The following SPECC1 variants were observed in gnomAD, a reference collection of about 807,000 sequenced individuals.
SPECC1 encodes the protein cytospin-B.
In SPECC1, 62 loss-of-function variants were observed where a neutral mutation model predicts 104.1. The observed-to-expected ratio is 0.60, with a 90% confidence interval of 0.49 to 0.74. The LOEUF is 0.74. Ranked by LOEUF, SPECC1 falls within the 30% of genes least tolerant of loss-of-function variation. The pLI, the probability that SPECC1 is intolerant of heterozygous loss-of-function variation, is 0.00. For synonymous variants in SPECC1, 513 were observed against 501.6 expected, an observed-to-expected ratio of 1.02 and a Z score of -0.30; for missense variants, 1,306 against 1,310.5, an observed-to-expected ratio of 1.00 and a Z score of 0.05.
At chr17:20,254,173 GTGTA>G (rs2039738230) in intron 10 of SPECC1, among the ~76,000 whole-genome samples, 6 of 150,148 alleles carry the variant, frequency 4.0e-5, no homozygotes, top group Admixed American at 3.3e-4. Context: ...GTGTGTGTGT[GTGTA>G]TTTGTTTTTT....
chr17:20,115,761 ACTT>A (rs1361303313), intron 3 of SPECC1, among the ~76,000 whole-genome samples: 1 of 152,172 alleles, frequency 6.6e-6, no homozygotes, highest in Admixed American at 6.5e-5. Context: ...ATGTGCAGAG[ACTT>A]CTTTAATGAT....
At chr17:20,208,703 A>G (rs1308716750) in intron 4 of SPECC1, among the ~76,000 whole-genome samples, 1 of 152,236 alleles carries the variant, frequency 6.6e-6, no homozygotes, top group African/African-American at 2.4e-5. Flanking sequence ...TCTAATTCCA[A>G]GGGAAGCATT....
intron 1 of SPECC1, among the ~76,000 whole-genome samples, chr17:20,063,766 C>T (rs2046269988): frequency 6.6e-6 from 1 of 152,204 alleles, no homozygotes; most frequent in Non-Finnish European, 1.5e-5. Context: ...AGACTATCAG[C>T]TTTGTTAATA....
chr17:20,175,425 C>G (rs1171260373), intron 3 of SPECC1, among the ~76,000 whole-genome samples: 2 of 152,336 alleles, frequency 1.3e-5, no homozygotes, highest in East Asian at 1.9e-4. Flanking sequence ...TGTGCCCTCT[C>G]CTGGCTCTCT....
chr17:20,249,919 A>G (rs577726732), intron 9 of SPECC1, among the ~76,000 whole-genome samples: 1 of 152,326 alleles, frequency 6.6e-6, no homozygotes, highest in South Asian at 2.1e-4. Flanking sequence ...TCCAAAACTG[A>G]TAAAAGATGT....
At chr17:20,138,370 T>G (rs1298133471) in intron 3 of SPECC1, among the ~76,000 whole-genome samples, 1 of 152,148 alleles carries the variant, frequency 6.6e-6, no homozygotes, top group Admixed American at 6.5e-5. Context: ...ACATGACAGA[T>G]CATTGTCACC....
chr17:20,296,947 T>A lies in SPECC1; in HGVS notation c.2941-14T>A. On this transcript the variant is annotated splice_polypyrimidine_tract_variant and intron_variant, in intron 12 of 14. Coordinates refer to ENST00000395527, the MANE Select transcript of SPECC1 (RefSeq NM_001243439.2). ...GCAATAGTTCTTGTTTATTACTACTTTTCTCTCCTGCAGAACATTGACATC... is the reference window on the plus strand; with the variant it reads ...GCAATAGTTCTTGTTTATTACTACTATTCTCTCCTGCAGAACATTGACATC... The A allele has an allele frequency of 6.2e-7, 1 of 1,613,290 alleles. No individual in the cohort carries two copies. Among genetic ancestry groups the A allele is most frequent in the South Asian group, 1.1e-5 (1 of 91,038 alleles).
At chr17:20,060,382 C>T (rs2046140047) in intron 1 of SPECC1, among the ~76,000 whole-genome samples, 1 of 152,124 alleles carries the variant, frequency 6.6e-6, no homozygotes, top group Admixed American at 6.5e-5. Flanking sequence ...CTCAGTGGCT[C>T]ATGTCTGTAA....
intron 4 of SPECC1, among the ~76,000 whole-genome samples, chr17:20,214,513 C>G (rs1013184572): frequency 6.6e-6 from 1 of 151,946 alleles, no homozygotes; most frequent in Non-Finnish European, 1.5e-5. Flanking sequence ...ATTTTATTTA[C>G]TTATTTATTT....
At chr17:20,213,966 C>T (rs530432587) in intron 4 of SPECC1, among the ~76,000 whole-genome samples, 2 of 152,238 alleles carry the variant, frequency 1.3e-5, no homozygotes, top group South Asian at 4.1e-4. Flanking sequence ...CACAATTGTG[C>T]AACCATCACT....
At chr17:20,247,341 C>T in intron 9 of SPECC1, 22 bp downstream of exon 9, 3 of 1,563,640 alleles carry the variant, frequency 1.9e-6, no homozygotes, top group Non-Finnish European at 2.6e-6. Flanking sequence ...CCAGAAATAA[C>T]CACTGCTTAT....
At chr17:20,160,260 T>A (rs2033012983) in intron 3 of SPECC1, among the ~76,000 whole-genome samples, 1 of 152,100 alleles carries the variant, frequency 6.6e-6, no homozygotes, top group East Asian at 1.9e-4. Context: ...CAGCAGGTGG[T>A]TGTTAGAGAC....
intron 1 of SPECC1, among the ~76,000 whole-genome samples, chr17:20,024,711 T>C (rs1732396866): frequency 6.6e-6 from 1 of 152,100 alleles, no homozygotes; most frequent in African/African-American, 2.4e-5. Flanking sequence ...CTTTGCACAG[T>C]GTCTCTAGGG....
intron 12 of SPECC1, among the ~76,000 whole-genome samples, chr17:20,263,563 GA>G (rs1006624513): frequency 8.1e-5 from 12 of 148,730 alleles, no homozygotes; most frequent in Non-Finnish European, 1.0e-4. Flanking sequence ...GAAGGAGAAA[GA>G]AAAAAAAAGA....
intron 3 of SPECC1, among the ~76,000 whole-genome samples, chr17:20,191,293 GA>G (rs2035651993): frequency 6.6e-6 from 1 of 152,108 alleles, no homozygotes; most frequent in Admixed American, 6.5e-5. Context: ...ACTTTTCTAG[GA>G]AACCACCAAA....
chr17:20,248,926 C>T (rs1313652188), intron 9 of SPECC1, among the ~76,000 whole-genome samples: 1 of 151,920 alleles, frequency 6.6e-6, no homozygotes, highest in Non-Finnish European at 1.5e-5. Context: ...AAATATTCTC[C>T]CTAAATATCT....
In SPECC1 at chr17:20,157,862, C is replaced by G. The variant is rs368495816; in HGVS notation, c.284-46471C>G. Among the ~76,000 whole-genome samples, 29 of 152,338 alleles carry G rather than the reference C, an allele frequency of 1.9e-4. No homozygotes were observed. The East Asian group carries it at 3.3e-3, about 17-fold the overall frequency. On this transcript the variant is annotated intron_variant, in intron 3 of 14. Transcript: ENST00000395527. ...GGCATTTTTAAGAGATGGTGTCTCA[C>G]TATGTTGCCCAGACTGGCCTTGAAG...
At chr17:20,062,340 C>G (rs1252431974) in intron 1 of SPECC1, among the ~76,000 whole-genome samples, 2 of 151,716 alleles carry the variant, frequency 1.3e-5, no homozygotes, top group Non-Finnish European at 2.9e-5. Context: ...AAACGCTTAA[C>G]ATTTCCATCC....
intron 2 of SPECC1, among the ~76,000 whole-genome samples, chr17:20,105,823 T>C (rs2048173650): frequency 6.6e-6 from 1 of 152,112 alleles, no homozygotes; most frequent in Non-Finnish European, 1.5e-5. Context: ...CAACCCCTTA[T>C]GGAAGGGGGC....
Sources: allele counts gnomAD v4.1 joint callset (sites outside exome capture counted in the v4.1 genomes callset), GRCh38; gene constraint gnomAD v4.1.1; transcripts MANE v1.5; gene names NCBI Gene and HGNC (gene_info 2026-07-23, HGNC 2026-07-21).